CTPS1: variants seen among roughly 807,000 people sequenced by gnomAD.
CTPS1 encodes CTP synthetase 1.
CTPS1 carries 25 observed loss-of-function variants against 80.5 expected under a neutral mutation model. The ratio of observed to expected loss-of-function variants is 0.31; its 90% CI spans 0.23 to 0.43. The LOEUF (loss-of-function observed/expected upper bound fraction) is 0.43, where lower values mean the gene tolerates loss of function less well. Among genes scored for constraint, CTPS1 ranks in the 20% least tolerant of loss-of-function variants. The pLI is 1.00. For missense variants in CTPS1, 442 were observed against 725.7 expected, an observed-to-expected ratio of 0.61 and a Z score of 4.49; for synonymous variants, 267 against 252.5, an observed-to-expected ratio of 1.06 and a Z score of -0.54.
At chr1:40,997,809 T>C (rs1642793493) in intron 9 of CTPS1, among the ~76,000 whole-genome samples, 2 of 152,150 alleles carry the variant, frequency 1.3e-5, no homozygotes, top group Admixed American at 6.5e-5. Context: ...CCTGTGGAAA[T>C]GGGGACCACT....
chr1:40,996,565 C>T (rs1007914071), intron 8 of CTPS1, among the ~76,000 whole-genome samples: 2 of 152,192 alleles, frequency 1.3e-5, no homozygotes, highest in African/African-American at 4.8e-5. Flanking sequence ...TGTCACATTC[C>T]TTCAGAAATC....
At chr1:41,004,467 C>G (rs1235320347) in intron 12 of CTPS1, among the ~76,000 whole-genome samples, 1 of 152,142 alleles carries the variant, frequency 6.6e-6, no homozygotes, top group Non-Finnish European at 1.5e-5. Flanking sequence ...TTCTGGTCTC[C>G]CTGGATCCTT....
At chr1:41,000,257 G>A (rs1642870793) in intron 9 of CTPS1, among the ~76,000 whole-genome samples, 2 of 131,874 alleles carry the variant, frequency 1.5e-5, no homozygotes, top group Admixed American at 1.6e-4. Context: ...GTTTTGTTTT[G>A]TTTGAGATGG....
intron 7 of CTPS1, among the ~76,000 whole-genome samples, chr1:40,994,284 G>A (rs1046033748): frequency 6.6e-6 from 1 of 152,092 alleles, no homozygotes; most frequent in African/African-American, 2.4e-5. Flanking sequence ...TGTAGTGTGA[G>A]GTAAGGGTTG....
intron 3 of CTPS1, 23 bp from the exon 4 acceptor site, chr1:40,987,349 C>T (rs763909124): frequency 6.4e-7 from 1 of 1,559,754 alleles, no homozygotes; most frequent in East Asian, 2.2e-5. Context: ...GCGTAAGTTC[C>T]CTGTTTGTTT....
intron 12 of CTPS1, among the ~76,000 whole-genome samples, chr1:41,003,445 C>G (rs1298916257): frequency 6.6e-6 from 1 of 152,290 alleles, no homozygotes; most frequent in Middle Eastern, 3.4e-3. Context: ...ATCACCGTGG[C>G]CACCATCCTG....
chr1:41,008,950 G>C, intron 16 of CTPS1, 60 bp downstream of exon 16: 1 of 1,324,302 alleles, frequency 7.6e-7, no homozygotes, highest in Non-Finnish European at 1.1e-6. Context: ...TGGCATATGG[G>C]AAAATATAAA....
intron 5 of CTPS1, among the ~76,000 whole-genome samples, chr1:40,989,546 A>G (rs1403078570): frequency 1.3e-5 from 2 of 152,148 alleles, no homozygotes; most frequent in African/African-American, 4.8e-5. Flanking sequence ...GATTTTCACC[A>G]TGACAAGCCT....
intron 8 of CTPS1, 156 bp downstream of exon 8, chr1:40,996,224 T>G: frequency 1.2e-6 from 1 of 802,372 alleles, no homozygotes; most frequent in Non-Finnish European, 2.0e-6. Flanking sequence ...GAAAGGATCT[T>G]AGCTGTCACG....
intron 11 of CTPS1, among the ~76,000 whole-genome samples, chr1:41,002,547 A>T (rs556739672): frequency 6.6e-6 from 1 of 152,340 alleles, no homozygotes; most frequent in East Asian, 1.9e-4. Context: ...TGAGTTTTAT[A>T]TCTGCTCACT....
intron 1 of CTPS1, chr1:40,981,307 G>C (rs1194203249): frequency 6.6e-6 from 1 of 152,194 alleles, no homozygotes; most frequent in Non-Finnish European, 1.5e-5. Flanking sequence ...GTATTGCCAG[G>C]CACTGAGACT....
intron 12 of CTPS1, among the ~76,000 whole-genome samples, chr1:41,003,732 C>G: frequency 6.6e-6 from 1 of 152,164 alleles, no homozygotes; most frequent in East Asian, 1.9e-4. Flanking sequence ...ATCAGCTCTT[C>G]GCCTAGCTGT....
intron 2 of CTPS1, among the ~76,000 whole-genome samples, chr1:40,984,156 A>C (rs920079060): frequency 1.3e-5 from 2 of 152,248 alleles, no homozygotes; most frequent in Admixed American, 1.3e-4. Flanking sequence ...AGTGATATTT[A>C]ATACAGAATT....
At position 41,002,238 on chromosome 1, in the gene CTPS1, G is replaced by A; in HGVS notation, c.1173G>A (p.Gln391=). 1 of 1,614,130 alleles carries A rather than the reference G, an allele frequency of 6.2e-7. No individual in the cohort carries two copies. Among genetic ancestry groups the A allele is most frequent in the East Asian group, 2.2e-5 (1 of 44,886 alleles). The change falls in exon 11 of 19, where the codon CAG becomes CAA. Residue 391 remains glutamine, a synonymous_variant. Transcript: ENST00000650070. Reference sequence around the variant, plus strand: ...AAGCAATTGCCTGGGCTCGGAATCAGAAAAAGCCTTTTTTGGGTAAGGAGC... The same window carrying A: ...AAGCAATTGCCTGGGCTCGGAATCAAAAAAAGCCTTTTTTGGGTAAGGAGC... ...KIQAIAWARN[Q]KKPFLGVCLG...
At position 40,979,846 on chromosome 1, in the gene CTPS1, G is replaced by A. The variant is rs1161581546; in HGVS notation, c.-14+17G>A. 20 of 152,322 alleles carry A rather than the reference G, an allele frequency of 1.3e-4. No individual in the cohort carries two copies. The East Asian group carries it at 3.9e-3, about 29-fold the overall frequency. 9.4% of individuals were successfully genotyped at this position (152,322 alleles called of 1,614,324 possible). On this transcript the variant is annotated intron_variant, in intron 1 of 18. Transcript: ENST00000650070. ...CGGCCGCAGGTAGGCTGACTCCAGG[G>A]ATCCCGGGGGGGATCTGTTCTCCCG...
intron 8 of CTPS1, 128 bp from the exon 9 acceptor site, chr1:40,997,266 T>C (rs1026612435): frequency 4.4e-6 from 5 of 1,130,088 alleles, no homozygotes; most frequent in Non-Finnish European, 5.0e-6. Flanking sequence ...AGTGCTGGGA[T>C]TATAGGATTA....
At chr1:40,988,734 A>T in intron 5 of CTPS1, 24 bp downstream of exon 5, 1 of 1,503,774 alleles carries the variant, frequency 6.6e-7, no homozygotes, top group South Asian at 1.1e-5. Context: ...TGAAAGTTTT[A>T]CTTTGGGGGA....
At chr1:40,996,219 G>A in intron 8 of CTPS1, 151 bp downstream of exon 8, 1 of 828,566 alleles carries the variant, frequency 1.2e-6, no homozygotes, top group Non-Finnish European at 1.9e-6. Context: ...GTTCAGAAAG[G>A]ATCTTAGCTG....
intron 7 of CTPS1, among the ~76,000 whole-genome samples, chr1:40,994,876 A>G (rs1642713069): frequency 6.6e-6 from 1 of 152,140 alleles, no homozygotes; most frequent in South Asian, 2.1e-4. Flanking sequence ...TTGGTTTTGA[A>G]TTTTTATCAA....
Sources: gnomAD v4.1 joint callset for allele counts (sites outside exome capture counted in the v4.1 genomes callset) on GRCh38, gnomAD v4.1.1 for gene constraint, MANE v1.5 for transcripts, NCBI Gene and HGNC (gene_info 2026-07-23, HGNC 2026-07-21) for gene names.